Variants in RASGEF1C observed in about 807,000 individuals in gnomAD.
RASGEF1C encodes the protein RasGEF domain family member 1C.
In RASGEF1C, 27 loss-of-function variants were observed where a neutral mutation model predicts 58.1. The observed-to-expected ratio is 0.46, with a 90% CI of 0.34 to 0.64. The LOEUF (loss-of-function observed/expected upper bound fraction) is 0.64, where lower values mean the gene tolerates loss of function less well. Ranked by LOEUF, RASGEF1C falls within the 30% of genes least tolerant of loss-of-function variation. The pLI is 0.01. For synonymous variants in RASGEF1C, 243 were observed against 246.3 expected (o/e 0.99, Z 0.13); for missense variants, 502 against 605.1 (o/e 0.83, Z 1.79).
chr5:180,182,152 T>C (rs1271725960), intron 1 of RASGEF1C, among the ~76,000 whole-genome samples: 14 of 124,456 alleles, frequency 1.1e-4, no homozygotes, highest in East Asian at 4.8e-4. Flanking sequence ...TTGCAGTGAG[T>C]CGAGATCGCG....
At chr5:180,115,866 T>G (rs1162589733) in intron 10 of RASGEF1C, among the ~76,000 whole-genome samples, 9 of 140,328 alleles carry the variant, frequency 6.4e-5, no homozygotes, top group Admixed American at 1.4e-4. Context: ...GGATCAGTGG[T>G]GGGGGGGGAT....
chr5:180,176,547 A>T (rs939796330), intron 1 of RASGEF1C, among the ~76,000 whole-genome samples: 2 of 149,946 alleles, frequency 1.3e-5, no homozygotes, highest in Admixed American at 1.3e-4. Flanking sequence ...TGGCTTTCCA[A>T]GGCTAATACT....
intron 6 of RASGEF1C, among the ~76,000 whole-genome samples, chr5:180,122,046 T>C (rs1766185268): frequency 6.6e-6 from 1 of 152,160 alleles, no homozygotes; most frequent in Non-Finnish European, 1.5e-5. Flanking sequence ...CATTCAGCTG[T>C]GAGTAACAGC....
chr5:180,153,055 G>A (rs2113294003), intron 1 of RASGEF1C, among the ~76,000 whole-genome samples: 1 of 152,108 alleles, frequency 6.6e-6, no homozygotes, highest in Admixed American at 6.5e-5. Context: ...GTCCCCATAT[G>A]TTACTGCTTT....
intron 1 of RASGEF1C, among the ~76,000 whole-genome samples, chr5:180,206,608 C>T (rs1259000506): frequency 6.6e-6 from 1 of 152,164 alleles, no homozygotes; most frequent in Non-Finnish European, 1.5e-5. Context: ...CCTTTGCAAA[C>T]ATTAACAATA....
intron 1 of RASGEF1C, among the ~76,000 whole-genome samples, chr5:180,183,658 C>G (rs1183413115): frequency 6.6e-6 from 1 of 151,976 alleles, no homozygotes; most frequent in Non-Finnish European, 1.5e-5. Flanking sequence ...AATTCCGTCT[C>G]TACTAAAAAT....
chr5:180,136,259 T>G, intron 4 of RASGEF1C, 119 bp downstream of exon 4: 1 of 1,076,122 alleles, frequency 9.3e-7, no homozygotes, highest in South Asian at 1.7e-5. Context: ...GCGGCTGGAT[T>G]TGGACGGGCC....
chr5:180,142,240 G>A (rs1004778641), intron 1 of RASGEF1C, among the ~76,000 whole-genome samples: 14 of 152,106 alleles, frequency 9.2e-5, no homozygotes, highest in African/African-American at 3.1e-4. Context: ...CTAGATATAT[G>A]CACGGTGTGG....
Position 180,136,429 on chromosome 5 carries a change from C to T in RASGEF1C, c.387G>A (p.Ser129=), listed in dbSNP as rs372762182. 6.1e-5 allele frequency: 95 copies of T among 1,561,384 alleles called. No homozygotes were observed. The highest frequency in any genetic ancestry group is 9.4e-5 in the Admixed American group (5 of 53,078). The change falls in exon 4 of 14, where the codon TCG becomes TCA. Residue 129 remains serine (S), a synonymous_variant. Coordinates refer to ENST00000361132, the MANE Select transcript of RASGEF1C (RefSeq NM_175062.4). ...ETFPRDFQEE[S]TIGHLKDVVG... is the part of the protein sequence containing the mutation. The stretch of plus-strand genomic sequence containing the variant: ...CGACGTCCTTAAGGTGCCCGATAGT[C>T]GACTCTTCCTGGAAGTCCCTTGGGA...
At chr5:180,142,577 C>T (rs1250857202) in intron 1 of RASGEF1C, among the ~76,000 whole-genome samples, 1 of 152,136 alleles carries the variant, frequency 6.6e-6, no homozygotes, top group Non-Finnish European at 1.5e-5. Context: ...ACAAAGGGAG[C>T]ATGGACGGGG....
intron 3 of RASGEF1C, chr5:180,136,753 T>G (rs1766486171): frequency 1.8e-6 from 1 of 550,678 alleles, no homozygotes. Context: ...GACGGCTCCA[T>G]CCTCCCTGGT....
chr5:180,151,214 C>T (rs913909943), intron 1 of RASGEF1C, among the ~76,000 whole-genome samples: 1 of 152,080 alleles, frequency 6.6e-6, no homozygotes, highest in South Asian at 2.1e-4. Context: ...TGGAAAAAAC[C>T]ACTCTAAAGT....
At chr5:180,160,054 C>T (rs1260984813) in intron 1 of RASGEF1C, among the ~76,000 whole-genome samples, 1 of 152,210 alleles carries the variant, frequency 6.6e-6, no homozygotes, top group Non-Finnish European at 1.5e-5. Flanking sequence ...ACTCCTGCCT[C>T]CAGGGCTCAT....
chr5:180,123,921 T>C (rs1162642461), intron 6 of RASGEF1C, among the ~76,000 whole-genome samples: 1 of 152,126 alleles, frequency 6.6e-6, no homozygotes, highest in African/African-American at 2.4e-5. Flanking sequence ...TACAAATAAT[T>C]GTATGTCTAT....
chr5:180,176,502 G>A (rs530786927), intron 1 of RASGEF1C, among the ~76,000 whole-genome samples: 135 of 152,128 alleles, frequency 8.9e-4, no homozygotes, highest in African/African-American at 3.1e-3. Context: ...CTGCCTGTGC[G>A]GGCCCAGCTG....
Position 180,101,072 on chromosome 5 carries a change from G to A in RASGEF1C, c.*429C>T, listed in dbSNP as rs998987379. The A allele has an allele frequency of 5.6e-6, 1 of 177,280 alleles. No homozygotes were observed. Among genetic ancestry groups the A allele is most frequent in the Non-Finnish European group, 1.2e-5 (1 of 84,046 alleles). 11.0% of individuals were successfully genotyped at this position (177,280 alleles called of 1,614,324 possible). On this transcript the variant is annotated 3_prime_UTR_variant, in exon 14 of 14. Coordinates refer to ENST00000361132, the MANE Select transcript of RASGEF1C (RefSeq NM_175062.4). ...TGGCGCAGGCATCTCACGTCGCACC[G>A]TGATGCCTGCTGTGGCTCCAGAAGT...
At position 180,136,392 on chromosome 5, in the gene RASGEF1C, C is replaced by T. The variant is rs577503426; in HGVS notation, c.424G>A (p.Ala142Thr). The T allele has an allele frequency of 6.4e-7, 1 of 1,557,038 alleles. No individual in the cohort carries two copies. The highest frequency in any genetic ancestry group is 8.7e-7 in the Non-Finnish European group (1 of 1,150,454). ...GHLKDVVGRI[A>T]PCDEAYRKRM... ...CAGCTGCCCACCTCGTCACAGGGGG[C>T]GATGCGGCCCACGACGTCCTTAAGG... Residue 142 changes from alanine to threonine, a missense_variant, in exon 4 of 14, where the codon GCC becomes ACC. Coordinates refer to ENST00000361132, the MANE Select transcript of RASGEF1C (RefSeq NM_175062.4).
intron 1 of RASGEF1C, 80 bp from the exon 2 acceptor site, chr5:180,138,138 G>A (rs974137167): frequency 1.3e-5 from 11 of 829,614 alleles, no homozygotes; most frequent in East Asian, 1.2e-4. Context: ...TGCTGGTCCC[G>A]GGGCTCCTGG....
chr5:180,118,763 C>T lies in RASGEF1C; in HGVS notation c.987+24G>A, dbSNP rs202079156. 1.8e-3 allele frequency: 2,861 copies of T among 1,613,960 alleles called. 3 individuals are homozygous for T. The highest frequency in any genetic ancestry group is 2.2e-3 in the Non-Finnish European group (2,610 of 1,179,812). Reference sequence around the variant, plus strand: ...TGTCCAGGGGATGGCCGGAGGCACCCGGCAGCCCAGCAGCCTCATTTACCT... The same window carrying T: ...TGTCCAGGGGATGGCCGGAGGCACCTGGCAGCCCAGCAGCCTCATTTACCT... On this transcript the variant is annotated intron_variant, in intron 9 of 13. Transcript: ENST00000361132.
Sources: allele counts gnomAD v4.1 joint callset (sites outside exome capture counted in the v4.1 genomes callset), GRCh38; gene constraint gnomAD v4.1.1; transcripts MANE v1.5; gene names NCBI Gene and HGNC (gene_info 2026-07-23, HGNC 2026-07-21).